MLIP: variants seen among roughly 807,000 people sequenced by gnomAD.
The protein encoded by MLIP is muscular LMNA-interacting protein.
A neutral mutation model predicts 84.8 loss-of-function variants in MLIP; 79 were observed. That is an observed-to-expected ratio of 0.93 (90% CI 0.78 to 1.12). The LOEUF is 1.12. MLIP is among the 50% of genes most tolerant of loss of function. The probability of loss-of-function intolerance (pLI) is 0.00; values close to 1 mark genes in which losing one functional copy is unlikely to be tolerated. For synonymous variants in MLIP, 504 were observed against 463.0 expected, an observed-to-expected ratio of 1.09 and a Z score of -1.14; for missense variants, 1,257 against 1,160.6, an observed-to-expected ratio of 1.08 and a Z score of -1.21.
Position 54,091,895 on chromosome 6 carries a change from A to G in MLIP, c.64-29552A>G, listed in dbSNP as rs143257058. Among the ~76,000 whole-genome samples the G allele has an allele frequency of 7.9e-5, 12 of 152,204 alleles. No homozygotes were observed. In the East Asian group the frequency reaches 1.7e-3, roughly 22 times the overall value. On this transcript the variant is annotated intron_variant, in intron 1 of 12. Transcript: ENST00000274897. The stretch of plus-strand genomic sequence containing the variant: ...ACTAATTTTATGATTTCTGCTATTA[A>G]TTCTTTGGTTTTCAGAGTCATTTCT...
At chr6:54,103,736 C>T (rs1349859288) in intron 1 of MLIP, among the ~76,000 whole-genome samples, 1 of 152,154 alleles carries the variant, frequency 6.6e-6, no homozygotes, top group Non-Finnish European at 1.5e-5. Flanking sequence ...AAATGAAGCA[C>T]TAAGATTAAA....
intron 12 of MLIP, among the ~76,000 whole-genome samples, chr6:54,252,649 G>A (rs974219707): frequency 3.3e-5 from 5 of 151,056 alleles, no homozygotes; most frequent in African/African-American, 1.2e-4. Context: ...TAGGAGTGGT[G>A]GGGACTATGT....
intron 1 of MLIP, among the ~76,000 whole-genome samples, chr6:54,032,849 A>T (rs550886544): frequency 6.6e-6 from 1 of 152,220 alleles, no homozygotes; most frequent in East Asian, 1.9e-4. Flanking sequence ...CATGTGTTTA[A>T]AGTTGTAGGT....
At chr6:54,041,418 C>T (rs1387074900) in intron 1 of MLIP, among the ~76,000 whole-genome samples, 1 of 151,974 alleles carries the variant, frequency 6.6e-6, no homozygotes, top group East Asian at 1.9e-4. Context: ...GAACATAAGC[C>T]TTCCATTTCC....
At chr6:54,195,772 T>C (rs1388953401) in intron 10 of MLIP, among the ~76,000 whole-genome samples, 1 of 152,106 alleles carries the variant, frequency 6.6e-6, no homozygotes, top group Non-Finnish European at 1.5e-5. Context: ...TCCCCAAGAC[T>C]AATGTTAGCA....
rs560581107 is a variant in MLIP at position 54,207,961 on chromosome 6, T to TA, written c.2718+5735dup. Reference sequence around the variant, plus strand: ...TAACACGGTGAAACCCCGTCTCTACTAAAAAAATTACAAAAAATCAGCAGG... The same window carrying TA: ...TAACACGGTGAAACCCCGTCTCTACTAAAAAAAATTACAAAAAATCAGCAGG... On this transcript the variant is annotated intron_variant, in intron 11 of 13. Coordinates refer to ENST00000502396, the MANE Select transcript of MLIP (RefSeq NM_001281747.2). 1.9e-3 allele frequency among the ~76,000 whole-genome samples: 282 copies of TA among 152,000 alleles called. 2 individuals carry two copies. The highest frequency in any genetic ancestry group is 6.5e-3 in the African/African-American group (271 of 41,472).
intron 10 of MLIP, among the ~76,000 whole-genome samples, chr6:54,195,223 C>T (rs1299138332): frequency 6.6e-6 from 1 of 151,998 alleles, no homozygotes; most frequent in African/African-American, 2.4e-5. Context: ...GTAGAATTTC[C>T]AGCCAGACTC....
chr6:54,111,423 T>C, upstream of MLIP: 1 of 1,533,838 alleles, frequency 6.5e-7, no homozygotes, highest in Non-Finnish European at 8.7e-7. Flanking sequence ...TGTTTTAGTA[T>C]GAGGCTCCCT....
chr6:54,107,881 CA>C (rs1451968933), upstream of MLIP, among the ~76,000 whole-genome samples: 1 of 152,192 alleles, frequency 6.6e-6, no homozygotes, highest in East Asian at 1.9e-4. Flanking sequence ...TAAAAACAGA[CA>C]AATGGATGTC....
intron 1 of MLIP, among the ~76,000 whole-genome samples, chr6:54,050,684 C>T (rs908024852): frequency 6.6e-6 from 1 of 151,928 alleles, no homozygotes; most frequent in Non-Finnish European, 1.5e-5. Context: ...AACATAAAAT[C>T]GTGGAAGAGA....
At chr6:54,103,286 AC>A (rs1450367943) in intron 1 of MLIP, among the ~76,000 whole-genome samples, 9 of 152,158 alleles carry the variant, frequency 5.9e-5, no homozygotes, top group Admixed American at 5.9e-4. Context: ...TGCCATTTTA[AC>A]CCTAATGGGG....
intron 11 of MLIP, chr6:54,218,215 A>T (rs1277327216): frequency 6.3e-6 from 1 of 158,078 alleles, no homozygotes; most frequent in Non-Finnish European, 1.4e-5. Context: ...AGCCCATTAC[A>T]CCTAGGGTAT....
In MLIP at chr6:54,068,326, G is replaced by A. The variant is rs576078424; in HGVS notation, c.63+49235G>A. ...TAATTTTTGTATTTTTAGTAGAGAC[G>A]GGGTTTCACCATGTCGGCCAGGCTG... On this transcript the variant is annotated intron_variant, in intron 1 of 12. Transcript: ENST00000274897. Among the ~76,000 whole-genome samples the A allele has an allele frequency of 1.0e-4, 10 of 97,536 alleles. 2 individuals carry two copies. Among genetic ancestry groups the A allele is most frequent in the African/African-American group, 2.6e-4 (10 of 38,486 alleles). 64.0% of individuals were successfully genotyped at this position (97,536 alleles called of 152,430 possible). A position where few individuals can be genotyped will look rare whatever the true frequency, so the allele number is the denominator to read the frequency against.
intron 1 of MLIP, among the ~76,000 whole-genome samples, chr6:54,078,916 C>G (rs1766968712): frequency 6.6e-6 from 1 of 152,100 alleles, no homozygotes; most frequent in South Asian, 2.1e-4. Flanking sequence ...GTCTCAAACT[C>G]CTGACCTCAG....
At chr6:54,027,231 G>A (rs1365413701) in intron 1 of MLIP, among the ~76,000 whole-genome samples, 3 of 151,976 alleles carry the variant, frequency 2.0e-5, no homozygotes, top group Non-Finnish European at 2.9e-5. Flanking sequence ...TTGGATCATG[G>A]GTAAATATTG....
At chr6:54,083,588 G>A (rs1329680667) in intron 1 of MLIP, 1 of 1,535,996 alleles carries the variant, frequency 6.5e-7, no homozygotes, top group East Asian at 2.4e-5. Flanking sequence ...GATTCCATGT[G>A]CAGCTGGTAC....
upstream of MLIP, among the ~76,000 whole-genome samples, chr6:54,109,260 G>C (rs934946952): frequency 1.3e-5 from 2 of 150,958 alleles, no homozygotes. Flanking sequence ...TCTCATTTAT[G>C]TTATTTATAA....
chr6:54,059,270 TTAC>T (rs776305457), intron 1 of MLIP, among the ~76,000 whole-genome samples: 5 of 152,206 alleles, frequency 3.3e-5, no homozygotes, highest in Non-Finnish European at 7.4e-5. Context: ...ACTCAGGCTT[TTAC>T]TCAGTCTTTC....
At chr6:54,233,341 C>T (rs182736971) in intron 12 of MLIP, among the ~76,000 whole-genome samples, 1 of 152,046 alleles carries the variant, frequency 6.6e-6, no homozygotes, top group African/African-American at 2.4e-5. Flanking sequence ...CCCCCACCCC[C>T]CAACAGGCCC....
Sources: allele counts gnomAD v4.1 joint callset (sites outside exome capture counted in the v4.1 genomes callset), GRCh38; gene constraint gnomAD v4.1.1; transcripts MANE v1.5; gene names NCBI Gene and HGNC (gene_info 2026-07-23, HGNC 2026-07-21).